PEX5L: variants seen among roughly 807,000 people sequenced by gnomAD.
PEX5L encodes the protein peroxisomal biogenesis factor 5 like, also known as PEX5-related protein.
PEX5L carries 30 observed loss-of-function variants against 84.0 expected under a neutral mutation model. The ratio of observed to expected loss-of-function variants is 0.36; its 90% CI spans 0.27 to 0.48. The LOEUF (loss-of-function observed/expected upper bound fraction) is 0.48. Ranked by LOEUF, PEX5L falls within the 20% of genes least tolerant of loss-of-function variation. The pLI is 0.99. For synonymous variants in PEX5L, 270 were observed against 283.1 expected, an observed-to-expected ratio of 0.95 and a Z score of 0.46; for missense variants, 533 against 754.6, an observed-to-expected ratio of 0.71 and a Z score of 3.44.
intron 4 of PEX5L, among the ~76,000 whole-genome samples, chr3:179,880,679 CAT>C (rs1753866829): frequency 6.6e-6 from 1 of 152,210 alleles, no homozygotes; most frequent in African/African-American, 2.4e-5. Flanking sequence ...AATAGGTACA[CAT>C]GTTAATGCCT....
At chr3:179,887,500 T>C (rs1323957296) in intron 4 of PEX5L, among the ~76,000 whole-genome samples, 173 bp downstream of exon 4, 4 of 152,364 alleles carry the variant, frequency 2.6e-5, no homozygotes, top group East Asian at 3.8e-4. Flanking sequence ...GGTTGGGTAA[T>C]ATACATTGCA....
At chr3:179,972,705 C>T (rs553937745) in intron 1 of PEX5L, among the ~76,000 whole-genome samples, 2 of 152,250 alleles carry the variant, frequency 1.3e-5, no homozygotes, top group East Asian at 3.9e-4. Flanking sequence ...CTTCAGTGAA[C>T]ATGATATAAA....
rs1380165786 is a variant in PEX5L at position 179,859,042 on chromosome 3, C to G, written c.822+20G>C. ...TCTCAGGAGCATGAAACAGAAAAAA[C>G]TAATTTGAAGAAAAGTTACCTCCAC... On this transcript the variant is annotated intron_variant, in intron 8 of 14. Transcript: ENST00000467460. 3 of 1,554,264 alleles carry G rather than the reference C, an allele frequency of 1.9e-6. No individual in the cohort carries two copies. Among genetic ancestry groups the G allele is most frequent in the African/African-American group, 1.4e-5 (1 of 73,794 alleles).
Position 179,807,751 on chromosome 3 carries a change from T to C in PEX5L, c.1599A>G (p.Arg533=), listed in dbSNP as rs371209063. The C allele has an allele frequency of 4.3e-6, 7 of 1,614,060 alleles. No individual in the cohort carries two copies. In the African/African-American group the frequency reaches 9.3e-5, roughly 22 times the overall value. The change falls in exon 14 of 15, where the codon CGA becomes CGG. Residue 533 remains arginine, a synonymous_variant. Coordinates refer to ENST00000467460, the MANE Select transcript of PEX5L (RefSeq NM_016559.3). ...RSEEAVEAYT[R]ALEIQPGFIR... ...TGAATCCTGGCTGAATCTCCAGTGC[T>C]CGCGTATAGGCCTCCACGGCTTCCT...
At chr3:179,937,168 G>A (rs1046929823) in intron 2 of PEX5L, among the ~76,000 whole-genome samples, 7 of 152,072 alleles carry the variant, frequency 4.6e-5, no homozygotes, top group Admixed American at 2.6e-4. Flanking sequence ...CTTGTGTGAT[G>A]GAGTTTACCA....
intron 2 of PEX5L, 25 bp from the exon 3 acceptor site, chr3:179,898,271 CTG>C: frequency 6.8e-7 from 1 of 1,475,074 alleles, no homozygotes; most frequent in Non-Finnish European, 9.5e-7. Context: ...TCAACAATGA[CTG>C]TGTCAGGAGA....
intron 8 of PEX5L, among the ~76,000 whole-genome samples, chr3:179,842,782 A>G (rs909525637): frequency 9.9e-5 from 15 of 152,200 alleles, no homozygotes; most frequent in Admixed American, 8.5e-4. Context: ...TTCACAGGAC[A>G]TAGATTAAGG....
At chr3:179,897,517 A>C (rs1308194556) in intron 3 of PEX5L, among the ~76,000 whole-genome samples, 1 of 152,130 alleles carries the variant, frequency 6.6e-6, no homozygotes, top group Non-Finnish European at 1.5e-5. Flanking sequence ...TAAATGCTGA[A>C]AATGGCTCTC....
At chr3:180,019,543 G>A (rs936590254) in intron 1 of PEX5L, among the ~76,000 whole-genome samples, 2 of 152,128 alleles carry the variant, frequency 1.3e-5, no homozygotes, top group Non-Finnish European at 2.9e-5. Flanking sequence ...ATACCTTGAG[G>A]TTCTAGTTTC....
intron 1 of PEX5L, among the ~76,000 whole-genome samples, chr3:180,033,577 G>C (rs1791646054): frequency 6.6e-6 from 1 of 152,122 alleles, no homozygotes; most frequent in Admixed American, 6.5e-5. Flanking sequence ...AATGCACATA[G>C]GCAAATAATC....
At chr3:179,846,309 TACACCTCACAC>T (rs1739324955) in intron 8 of PEX5L, among the ~76,000 whole-genome samples, 1 of 152,220 alleles carries the variant, frequency 6.6e-6, no homozygotes, top group South Asian at 2.1e-4. Flanking sequence ...TAGGCTATCC[TACACCTCACAC>T]ACTTACCATT....
chr3:179,848,516 G>A (rs1740511940), intron 8 of PEX5L, among the ~76,000 whole-genome samples: 1 of 134,856 alleles, frequency 7.4e-6, no homozygotes, highest in Non-Finnish European at 1.5e-5. Context: ...TCATGCCACT[G>A]AACTCCAGCC....
intron 2 of PEX5L, among the ~76,000 whole-genome samples, chr3:179,941,271 T>C (rs1776010394): frequency 6.6e-6 from 1 of 152,244 alleles, no homozygotes; most frequent in African/African-American, 2.4e-5. Context: ...TACGTTCACA[T>C]TGTTGTGTGA....
At chr3:179,920,737 G>T (rs1769065003) in intron 2 of PEX5L, among the ~76,000 whole-genome samples, 1 of 152,104 alleles carries the variant, frequency 6.6e-6, no homozygotes, top group Non-Finnish European at 1.5e-5. Flanking sequence ...AAGTACAGAA[G>T]CCATATTAAT....
chr3:179,884,884 C>T (rs1318262204), intron 4 of PEX5L, among the ~76,000 whole-genome samples: 1 of 152,050 alleles, frequency 6.6e-6, no homozygotes, highest in Non-Finnish European at 1.5e-5. Context: ...TTTAGAACTT[C>T]TATGAGGCAA....
chr3:179,973,268 C>T (rs1396408706), intron 1 of PEX5L: 1 of 1,288,530 alleles, frequency 7.8e-7, no homozygotes, highest in Non-Finnish European at 1.0e-6. Flanking sequence ...ATTCTTTATG[C>T]CACTGGCAGT....
intron 1 of PEX5L, among the ~76,000 whole-genome samples, chr3:179,975,460 A>G (rs1321908582): frequency 6.6e-6 from 1 of 152,234 alleles, no homozygotes; most frequent in Non-Finnish European, 1.5e-5. Context: ...TGAAAGGGAA[A>G]AGGAACACTT....
At chr3:179,953,453 T>G (rs147966184) in intron 2 of PEX5L, among the ~76,000 whole-genome samples, 206 of 152,254 alleles carry the variant, frequency 1.4e-3, no homozygotes, top group African/African-American at 4.5e-3. Flanking sequence ...GAACAGACAC[T>G]TCTCAAAAGT....
intron 2 of PEX5L, among the ~76,000 whole-genome samples, chr3:179,938,705 TG>T (rs1164779915): frequency 1.3e-5 from 2 of 152,250 alleles, no homozygotes; most frequent in African/African-American, 4.8e-5. Context: ...ATGTGAATGT[TG>T]GCTATAACCT....
Sources: allele counts gnomAD v4.1 joint callset (sites outside exome capture counted in the v4.1 genomes callset), GRCh38; gene constraint gnomAD v4.1.1; transcripts MANE v1.5; gene names NCBI Gene and HGNC (gene_info 2026-07-23, HGNC 2026-07-21).